The following TRPC7 variants were observed in gnomAD, a reference collection of about 807,000 sequenced individuals.
TRPC7 encodes the protein transient receptor potential cation channel subfamily C member 7.
In TRPC7, 42 loss-of-function variants were observed where a neutral mutation model predicts 90.1. The observed-to-expected ratio is 0.47, with a 90% CI of 0.36 to 0.60. The LOEUF (loss-of-function observed/expected upper bound fraction) is 0.60. Among genes scored for constraint, TRPC7 ranks in the 20% least tolerant of loss-of-function variants. The probability of loss-of-function intolerance (pLI) is 0.00; values close to 1 mark genes in which losing one functional copy is unlikely to be tolerated. For synonymous variants in TRPC7, 451 were observed against 436.3 expected (o/e 1.03, Z -0.42); for missense variants, 955 against 1,112.3 (o/e 0.86, Z 2.01).
rs1758891546 is a variant in TRPC7, at chr5:136,313,151, GAA to G, written c.963+2444_963+2445del. ...CTCTGTAATATCTTTAAGAAAAACAGAAAACAAAAACAAAAGCTGTTTGACTG... is the reference window on the plus strand; with the variant it reads ...CTCTGTAATATCTTTAAGAAAAACAGAACAAAAACAAAAGCTGTTTGACTG... On this transcript the variant is annotated intron_variant, in intron 3 of 11. Transcript: ENST00000513104. Among the ~76,000 whole-genome samples the G allele has an allele frequency of 6.6e-5, 10 of 151,940 alleles. No individual in the cohort carries two copies. The South Asian group carries it at 2.1e-3, about 32-fold the overall frequency.
chr5:136,317,828 G>A (rs1371042205), intron 2 of TRPC7, among the ~76,000 whole-genome samples: 1 of 152,116 alleles, frequency 6.6e-6, no homozygotes, highest in Admixed American at 6.5e-5. Context: ...CTTGTCCCAG[G>A]CTCCCCATGC....
At chr5:136,352,027 G>A (rs192512305) in intron 2 of TRPC7, among the ~76,000 whole-genome samples, 17 of 152,198 alleles carry the variant, frequency 1.1e-4, no homozygotes, top group Admixed American at 3.3e-4. Context: ...GACAGCCTCC[G>A]TGCTATTTTG....
chr5:136,235,539 C>A (rs1251051787), intron 7 of TRPC7, among the ~76,000 whole-genome samples: 2 of 152,078 alleles, frequency 1.3e-5, no homozygotes, highest in East Asian at 3.8e-4. Flanking sequence ...CTCTAATGCC[C>A]CATGAGGTTA....
chr5:136,248,807 A>G (rs1234210892), intron 6 of TRPC7, among the ~76,000 whole-genome samples: 1 of 152,230 alleles, frequency 6.6e-6, no homozygotes, highest in Non-Finnish European at 1.5e-5. Context: ...AGCACCTATC[A>G]CGAATCAGCT....
At chr5:136,359,852 G>C (rs1180683875) in intron 1 of TRPC7, among the ~76,000 whole-genome samples, 2 of 151,994 alleles carry the variant, frequency 1.3e-5, no homozygotes, top group Non-Finnish European at 2.9e-5. Context: ...GAAGTACTCA[G>C]CCTGTCCTAC....
chr5:136,343,953 G>A (rs544063986), intron 2 of TRPC7, among the ~76,000 whole-genome samples: 11 of 152,220 alleles, frequency 7.2e-5, no homozygotes, highest in African/African-American at 1.7e-4. Flanking sequence ...AATATAAATC[G>A]TTCTACCATA....
chr5:136,227,670 C>T (rs1186105762), intron 8 of TRPC7, among the ~76,000 whole-genome samples: 4 of 152,180 alleles, frequency 2.6e-5, no homozygotes. Flanking sequence ...GTAACAGGGA[C>T]ATCCGTCCTG....
chr5:136,275,879 A>G (rs1757349479), intron 3 of TRPC7, among the ~76,000 whole-genome samples: 1 of 152,228 alleles, frequency 6.6e-6, no homozygotes, highest in Non-Finnish European at 1.5e-5. Flanking sequence ...GTAGCAAAAC[A>G]AGTCTGTTGA....
At chr5:136,256,532 A>C (rs1756691652) in intron 5 of TRPC7, among the ~76,000 whole-genome samples, 1 of 142,758 alleles carries the variant, frequency 7.0e-6, no homozygotes. Context: ...TCACTGTGTC[A>C]TATCCTTACC....
chr5:136,219,772 C>CA (rs1318013360), intron 10 of TRPC7, among the ~76,000 whole-genome samples: 3 of 152,176 alleles, frequency 2.0e-5, no homozygotes, highest in East Asian at 3.9e-4. Context: ...TCTCAAAAAC[C>CA]AAAAAAACTT....
At chr5:136,288,627 G>T (rs1757816400) in intron 3 of TRPC7, among the ~76,000 whole-genome samples, 1 of 152,248 alleles carries the variant, frequency 6.6e-6, no homozygotes, top group East Asian at 1.9e-4. Context: ...TAAACAATTT[G>T]CCCAAGCTGA....
intron 2 of TRPC7, among the ~76,000 whole-genome samples, chr5:136,342,956 T>A (rs1375498481): frequency 6.6e-6 from 1 of 152,130 alleles, no homozygotes; most frequent in East Asian, 1.9e-4. Flanking sequence ...CAGAAACATG[T>A]ATTTGGGAAT....
At chr5:136,228,531 C>T (rs976178421) in intron 8 of TRPC7, among the ~76,000 whole-genome samples, 4 of 149,730 alleles carry the variant, frequency 2.7e-5, no homozygotes, top group Non-Finnish European at 4.4e-5. Flanking sequence ...AGGCAGGGTG[C>T]CGTGCAGTGG....
intron 3 of TRPC7, among the ~76,000 whole-genome samples, chr5:136,294,601 C>T (rs2149826826): frequency 6.6e-6 from 1 of 152,202 alleles, no homozygotes; most frequent in Admixed American, 6.5e-5. Flanking sequence ...TACCATCTCA[C>T]ACCAGTTAGA....
At chr5:136,346,078 G>C (rs1759994489) in intron 2 of TRPC7, among the ~76,000 whole-genome samples, 1 of 152,066 alleles carries the variant, frequency 6.6e-6, no homozygotes, top group Non-Finnish European at 1.5e-5. Context: ...CACACACCGA[G>C]GCCTGTTGTG....
At chr5:136,222,782 AG>A (rs1482430832) in intron 10 of TRPC7, among the ~76,000 whole-genome samples, 2 of 152,134 alleles carry the variant, frequency 1.3e-5, no homozygotes, top group Admixed American at 6.5e-5. Flanking sequence ...GTGGTGAGAG[AG>A]GGGGGGCCCT....
intron 6 of TRPC7, among the ~76,000 whole-genome samples, chr5:136,248,032 G>A (rs1210909388): frequency 1.3e-5 from 2 of 152,016 alleles, no homozygotes; most frequent in Non-Finnish European, 2.9e-5. Context: ...CCCACCACGG[G>A]CTGGGCAGGT....
intron 10 of TRPC7, among the ~76,000 whole-genome samples, chr5:136,221,113 C>CTGTGTG (rs34373112): frequency 4.2e-4 from 62 of 148,784 alleles, no homozygotes; most frequent in African/African-American, 7.7e-4. Flanking sequence ...GTGTATGTGT[C>CTGTGTG]TGTGTGTGTG....
At chr5:136,328,725 G>A (rs1411166614) in intron 2 of TRPC7, among the ~76,000 whole-genome samples, 1 of 152,224 alleles carries the variant, frequency 6.6e-6, no homozygotes, top group Non-Finnish European at 1.5e-5. Flanking sequence ...GGCAAGTATT[G>A]ACCAATATTA....
Sources: gnomAD v4.1 joint callset for allele counts (sites outside exome capture counted in the v4.1 genomes callset) on GRCh38, gnomAD v4.1.1 for gene constraint, MANE v1.5 for transcripts, NCBI Gene and HGNC (gene_info 2026-07-23, HGNC 2026-07-21) for gene names.